The following NCAM2 variants were observed in gnomAD, a reference collection of about 807,000 sequenced individuals.
NCAM2 encodes N-CAM-2.
Under a neutral mutation model 98.1 loss-of-function variants are expected in NCAM2, and 30 were observed. That is an observed-to-expected ratio of 0.31 (90% confidence interval 0.23 to 0.41). NCAM2 has a LOEUF of 0.41. NCAM2 is among the 10% of genes least tolerant of loss of function. The probability of loss-of-function intolerance (pLI) is 1.00; values close to 1 mark genes in which losing one functional copy is unlikely to be tolerated. For synonymous variants in NCAM2, 368 were observed against 342.4 expected (o/e 1.07, Z -0.83); for missense variants, 867 against 1,005.8 (o/e 0.86, Z 1.87).
intron 9 of NCAM2, among the ~76,000 whole-genome samples, chr21:21,381,538 A>G (rs1454482230): frequency 1.3e-5 from 2 of 152,112 alleles, no homozygotes; most frequent in Non-Finnish European, 2.9e-5. Flanking sequence ...GCGATTCTAT[A>G]GGAATTTTAA....
chr21:21,378,421 T>C (rs1443223750), intron 9 of NCAM2, among the ~76,000 whole-genome samples: 1 of 152,084 alleles, frequency 6.6e-6, no homozygotes, highest in Non-Finnish European at 1.5e-5. Context: ...CCCCTAATGA[T>C]TAGTGATGCT....
intron 1 of NCAM2, among the ~76,000 whole-genome samples, chr21:21,176,892 A>G (rs2068308874): frequency 6.6e-6 from 1 of 151,966 alleles, no homozygotes; most frequent in Non-Finnish European, 1.5e-5. Flanking sequence ...AAAAAGGCAA[A>G]AAGAAAACAA....
At chr21:21,294,578 C>T (rs188239309) in intron 5 of NCAM2, among the ~76,000 whole-genome samples, 47 of 151,856 alleles carry the variant, frequency 3.1e-4, no homozygotes, top group South Asian at 8.3e-4. Flanking sequence ...ATCACAAACT[C>T]GCGTAGCTTA....
At chr21:21,452,519 A>C (rs1196217044) in intron 12 of NCAM2, among the ~76,000 whole-genome samples, 3 of 129,954 alleles carry the variant, frequency 2.3e-5, no homozygotes, top group Admixed American at 1.9e-4. Flanking sequence ...TAATATATAA[A>C]ATATATTATA....
chr21:21,489,923 A>G (rs574601801), intron 15 of NCAM2, among the ~76,000 whole-genome samples: 18 of 12,902 alleles, frequency 1.4e-3, no homozygotes, highest in African/African-American at 5.5e-3. Flanking sequence ...ACAAAGTTGT[A>G]TTATTCCTTC....
Position 21,469,571 on chromosome 21 carries a change from A to G in NCAM2, c.1896+788A>G, listed in dbSNP as rs1045397661. Among the ~76,000 whole-genome samples the G allele has an allele frequency of 1.2e-4, 18 of 152,016 alleles. 2 individuals are homozygous for G. Among genetic ancestry groups the G allele is most frequent in the Admixed American group, 1.1e-3 (17 of 15,218 alleles). On this transcript the variant is annotated intron_variant, in intron 14 of 17. Coordinates refer to ENST00000400546, the MANE Select transcript of NCAM2 (RefSeq NM_004540.5). ...TTATGCTTATGTTGACTGAATCCAT[A>G]TTAGTGCTATCCAAATTAATTATAT... is the stretch of plus-strand genomic sequence containing the variant.
chr21:21,190,035 T>C (rs1180298422), intron 1 of NCAM2, among the ~76,000 whole-genome samples: 1 of 152,208 alleles, frequency 6.6e-6, no homozygotes, highest in African/African-American at 2.4e-5. Context: ...TCTTAATTTC[T>C]GCATTATATC....
In NCAM2 at chr21:21,343,358, TAC is replaced by T. The variant is rs71195322; in HGVS notation, c.1044+4860_1044+4861del. 3.7e-3 allele frequency among the ~76,000 whole-genome samples: 449 copies of T among 120,710 alleles called. 2 individuals are homozygous for T. Among genetic ancestry groups the T allele is most frequent in the South Asian group, 0.014 (54 of 3,814 alleles). The allele number at this position is 120,710 out of a possible 152,430, so 79.2% of individuals were successfully genotyped here. On this transcript the variant is annotated intron_variant, in intron 8 of 17. Coordinates refer to ENST00000400546, the MANE Select transcript of NCAM2 (RefSeq NM_004540.5). ...CCAAGTTAACAACTATCTATACACA[TAC>T]ACACACACACACACACACACACACA... is the stretch of plus-strand genomic sequence containing the variant.
At chr21:21,396,147 A>G (rs1264875725) in intron 9 of NCAM2, among the ~76,000 whole-genome samples, 1 of 146,770 alleles carries the variant, frequency 6.8e-6, no homozygotes, top group Admixed American at 6.7e-5. Flanking sequence ...TCTACAAGGA[A>G]CCCAAATCAG....
At chr21:21,212,117 G>A (rs1199225411) in intron 1 of NCAM2, among the ~76,000 whole-genome samples, 1 of 152,154 alleles carries the variant, frequency 6.6e-6, no homozygotes, top group Non-Finnish European at 1.5e-5. Flanking sequence ...AATATCCATA[G>A]CAGGTTTATT....
rs1380956831 is a variant in NCAM2, at chr21:21,236,754, A to ATGTG, written c.56-43823_56-43822insGTGT. On this transcript the variant is annotated intron_variant, in intron 1 of 17. Transcript: ENST00000400546. ...GATAGATTCTCAGAGAAATCAGTAC[A>ATGTG]TATGTGTGTGTGTGTGTGTGTGTGT... Among the ~76,000 whole-genome samples the ATGTG allele has an allele frequency of 1.2e-4, 5 of 40,952 alleles. No homozygotes were observed. The East Asian group carries it at 1.9e-3, about 16-fold the overall frequency. 26.9% of individuals were successfully genotyped at this position (40,952 alleles called of 152,430 possible). A position where few individuals can be genotyped will look rare whatever the true frequency, so the allele number is the denominator to read the frequency against.
chr21:21,071,513 G>T (rs2065562523), intron 1 of NCAM2, among the ~76,000 whole-genome samples: 1 of 152,130 alleles, frequency 6.6e-6, no homozygotes, highest in South Asian at 2.1e-4. Context: ...GATAACACTT[G>T]ATATTTAAGA....
rs75992452 is a variant in NCAM2 at position 21,294,812 on chromosome 21, G to GTT, written c.619+2581_619+2582dup. On this transcript the variant is annotated intron_variant, in intron 5 of 17. Transcript: ENST00000400546. ...TTACTGGCTCCTTTTAAATATCGAG[G>GTT]TTTTTTTTTTTGAAAGTTTTCCCTT... Among the ~76,000 whole-genome samples the GTT allele has an allele frequency of 8.6e-3, 1,262 of 147,388 alleles. 9 individuals are homozygous for GTT. The highest frequency in any genetic ancestry group is 0.014 in the African/African-American group (570 of 40,592).
At chr21:21,201,308 T>G (rs551625309) in intron 1 of NCAM2, among the ~76,000 whole-genome samples, 4 of 152,152 alleles carry the variant, frequency 2.6e-5, no homozygotes, top group African/African-American at 9.7e-5. Flanking sequence ...CCCAAGATCA[T>G]GATTTTCAGT....
At chr21:21,486,092 A>G (rs1296251163) in intron 15 of NCAM2, among the ~76,000 whole-genome samples, 1 of 152,026 alleles carries the variant, frequency 6.6e-6, no homozygotes, top group Non-Finnish European at 1.5e-5. Context: ...TCACGAGGTC[A>G]GGAGATTGAG....
intron 16 of NCAM2, among the ~76,000 whole-genome samples, chr21:21,514,449 G>A (rs1359148028): frequency 2.0e-5 from 2 of 101,468 alleles, no homozygotes. Context: ...TGGGCAACAA[G>A]AGCAAAACTT....
At chr21:21,499,543 T>C (rs1206500456) in intron 15 of NCAM2, among the ~76,000 whole-genome samples, 1 of 152,064 alleles carries the variant, frequency 6.6e-6, no homozygotes, top group African/African-American at 2.4e-5. Flanking sequence ...GCCTGGCCAA[T>C]AACAATAAAT....
At chr21:21,053,469 T>C (rs1183571822) in intron 1 of NCAM2, among the ~76,000 whole-genome samples, 1 of 151,880 alleles carries the variant, frequency 6.6e-6, no homozygotes, top group East Asian at 1.9e-4. Flanking sequence ...TTTAAATTCT[T>C]TTTTGTGTGT....
At chr21:21,191,281 ATTTGGC>A (rs1173258508) in intron 1 of NCAM2, among the ~76,000 whole-genome samples, 1 of 152,168 alleles carries the variant, frequency 6.6e-6, no homozygotes, top group Non-Finnish European at 1.5e-5. Flanking sequence ...AATTACACTC[ATTTGGC>A]TTGTAATGAT....
Sources: allele counts gnomAD v4.1 joint callset (sites outside exome capture counted in the v4.1 genomes callset), GRCh38; gene constraint gnomAD v4.1.1; transcripts MANE v1.5; gene names NCBI Gene and HGNC (gene_info 2026-07-23, HGNC 2026-07-21).